Variants in FRK observed in about 807,000 individuals in gnomAD.
FRK encodes fyn related Src family tyrosine kinase, also known as tyrosine-protein kinase FRK.
FRK carries 51 observed loss-of-function variants against 56.4 expected under a neutral mutation model. That is an observed-to-expected ratio of 0.90 (90% confidence interval 0.72 to 1.14). The LOEUF (loss-of-function observed/expected upper bound fraction) is 1.14. Among genes scored for constraint, FRK ranks in the 50% most tolerant of loss-of-function variants. The pLI, the probability that FRK is intolerant of heterozygous loss-of-function variation, is 0.00. For missense variants in FRK, 570 were observed against 601.4 expected (o/e 0.95, Z 0.55); for synonymous variants, 245 against 217.9 (o/e 1.12, Z -1.10).
At chr6:115,957,150 G>T (rs1254519989) in intron 4 of FRK, among the ~76,000 whole-genome samples, 1 of 152,050 alleles carries the variant, frequency 6.6e-6, no homozygotes, top group Non-Finnish European at 1.5e-5. Context: ...AGTTAATGGG[G>T]TTTTTTTCAC....
intron 2 of FRK, among the ~76,000 whole-genome samples, chr6:115,998,735 C>T (rs1774936702): frequency 6.6e-6 from 1 of 152,156 alleles, no homozygotes; most frequent in African/African-American, 2.4e-5. Context: ...ACTAGAGGGC[C>T]TGGCACACAG....
chr6:116,033,847 C>T (rs975068243), intron 1 of FRK, among the ~76,000 whole-genome samples: 2 of 151,958 alleles, frequency 1.3e-5, no homozygotes, highest in African/African-American at 4.8e-5. Context: ...TCACAGAGGC[C>T]AGTTAGGAAA....
At chr6:116,088,327 A>T in the FRK span, among the ~76,000 whole-genome samples, 15 of 150,830 alleles carry the variant, frequency 9.9e-5, no homozygotes, top group African/African-American at 3.7e-4. Context: ...AAATAGTAAT[A>T]AAAAAAACAG....
rs73770700 is a variant in FRK at position 116,026,136 on chromosome 6, C to T, written c.345-22138G>A. 3.0e-3 allele frequency among the ~76,000 whole-genome samples: 450 copies of T among 152,236 alleles called. 4 individuals are homozygous for T. The highest frequency in any genetic ancestry group is 0.01 in the African/African-American group (436 of 41,550). On this transcript the variant is annotated intron_variant, in intron 1 of 7. Coordinates refer to ENST00000606080, the MANE Select transcript of FRK (RefSeq NM_002031.3). ...AATCTACCAATAACTCAATAAAGCA[C>T]AGAGAACAGGGGCCTTATCTTTCCA...
At chr6:116,091,009 A>C in the FRK span, among the ~76,000 whole-genome samples, 2 of 152,180 alleles carry the variant, frequency 1.3e-5, no homozygotes, top group Middle Eastern at 3.2e-3. Context: ...CTGCCACTTA[A>C]TATCTATCCA....
chr6:116,053,240 C>A (rs1376620071), intron 1 of FRK, among the ~76,000 whole-genome samples: 1 of 152,130 alleles, frequency 6.6e-6, no homozygotes, highest in African/African-American at 2.4e-5. Context: ...ACCAGAAGAA[C>A]CCAAAGGCTG....
intron 2 of FRK, among the ~76,000 whole-genome samples, chr6:115,997,510 T>G (rs1774886954): frequency 6.6e-6 from 1 of 152,052 alleles, no homozygotes; most frequent in African/African-American, 2.4e-5. Context: ...TGAGATTATT[T>G]CCCTTGGTTT....
In FRK at chr6:115,944,235, T is replaced by C; in HGVS notation, c.1140+9A>G. 1 of 1,601,582 alleles carries C rather than the reference T, an allele frequency of 6.2e-7. No individual in the cohort carries two copies. Among genetic ancestry groups the C allele is most frequent in the African/African-American group, 1.3e-5 (1 of 74,352 alleles). On this transcript the variant is annotated intron_variant, in intron 6 of 7. Transcript: ENST00000606080. ...TTACAAAAACTAATTAAAACAAAAC[T>C]AAATCCACCTTAAAAACTCTGGCAA...
Position 115,944,346 on chromosome 6 carries a change from C to T in FRK, c.1038G>A (p.Glu346=). 6.2e-7 allele frequency: 1 copy of T among 1,613,074 alleles called. No homozygotes were observed. Among genetic ancestry groups the T allele is most frequent in the Non-Finnish European group, 8.5e-7 (1 of 1,179,590 alleles). The part of the protein sequence containing the change: ...AQVASGMAYL[E]SRNYIHRDLA... ...GATCTCTGTGAATGTAGTTCCGAGA[C>T]TCCAGATAGGCCATTCCAGAGGCAA... The change falls in exon 6 of 8, where the codon GAG becomes GAA. Residue 346 remains glutamate (E), a synonymous_variant. Transcript: ENST00000606080.
At chr6:116,044,033 A>T (rs1776839658) in intron 1 of FRK, among the ~76,000 whole-genome samples, 1 of 152,202 alleles carries the variant, frequency 6.6e-6, no homozygotes, top group Admixed American at 6.5e-5. Context: ...AGTCGAAACC[A>T]GAAAGAAGTT....
chr6:116,039,614 T>G lies in FRK; in HGVS notation c.344+20354A>C. 4 of 767,932 alleles carry G rather than the reference T, an allele frequency of 5.2e-6. No homozygotes were observed. In the South Asian group the frequency reaches 5.5e-5, roughly 10 times the overall value. The allele number at this position is 767,932 out of a possible 1,614,324, so 47.6% of individuals were successfully genotyped here. ...GTGTCATCTGCCCCCTCTTGCGGCC[T>G]CATCCAAACTGTACCTTCCTTTACT... is the stretch of plus-strand genomic sequence containing the variant. On this transcript the variant is annotated intron_variant, in intron 1 of 7. Transcript: ENST00000606080.
At chr6:116,097,867 C>T in the FRK span, among the ~76,000 whole-genome samples, 1 of 152,162 alleles carries the variant, frequency 6.6e-6, no homozygotes, top group South Asian at 2.1e-4. Context: ...AGTTCATGTC[C>T]TTTACAGACC....
chr6:115,967,788 AT>A, intron 3 of FRK, 69 bp from the exon 4 acceptor site: 6 of 1,218,848 alleles, frequency 4.9e-6, no homozygotes, highest in African/African-American at 1.5e-5. Context: ...TTTGTTGAAA[AT>A]AATAGTCTAG....
At chr6:116,002,403 G>C (rs1212593991) in intron 2 of FRK, among the ~76,000 whole-genome samples, 1 of 152,166 alleles carries the variant, frequency 6.6e-6, no homozygotes, top group Non-Finnish European at 1.5e-5. Context: ...TGGATCACGA[G>C]GCCAGGAGAT....
intron 2 of FRK, among the ~76,000 whole-genome samples, chr6:115,987,310 C>A (rs550849632): frequency 6.6e-5 from 10 of 151,892 alleles, no homozygotes; most frequent in Non-Finnish European, 1.0e-4. Context: ...TTGCCTAAAG[C>A]CACAGTTCTA....
intron 1 of FRK, among the ~76,000 whole-genome samples, chr6:116,031,334 G>A (rs1287243675): frequency 6.6e-6 from 1 of 152,014 alleles, no homozygotes; most frequent in Non-Finnish European, 1.5e-5. Flanking sequence ...TAATAAATTT[G>A]TTATACATAT....
At chr6:116,066,194 A>G in the FRK span, among the ~76,000 whole-genome samples, 1 of 152,168 alleles carries the variant, frequency 6.6e-6, no homozygotes. Context: ...GCATCACCTA[A>G]TCGGCTGCCA....
chr6:116,033,783 G>A (rs899446542), intron 1 of FRK, among the ~76,000 whole-genome samples: 2 of 152,040 alleles, frequency 1.3e-5, no homozygotes, highest in African/African-American at 2.4e-5. Flanking sequence ...CATTTTAATG[G>A]GGTCACTCTG....
At chr6:116,039,943 TAAAA>T (rs1170576390) in intron 1 of FRK, among the ~76,000 whole-genome samples, 19 of 105,746 alleles carry the variant, frequency 1.8e-4, no homozygotes, top group Admixed American at 2.9e-4. Flanking sequence ...CACCTGGCAC[TAAAA>T]AAAAAAAAAA....
Sources: allele counts gnomAD v4.1 joint callset (sites outside exome capture counted in the v4.1 genomes callset), GRCh38; gene constraint gnomAD v4.1.1; transcripts MANE v1.5; gene names NCBI Gene and HGNC (gene_info 2026-07-23, HGNC 2026-07-21).